AHI1: variants seen among roughly 807,000 people sequenced by gnomAD.
AHI1 encodes the protein jouberin.
A neutral mutation model predicts 149.3 loss-of-function variants in AHI1; 123 were observed. The ratio of observed to expected loss-of-function variants is 0.82; its 90% CI spans 0.71 to 0.96. The LOEUF (loss-of-function observed/expected upper bound fraction) is 0.96. Ranked by LOEUF, AHI1 falls within the 40% of genes least tolerant of loss-of-function variation. The pLI, the probability that AHI1 is intolerant of heterozygous loss-of-function variation, is 0.00. For synonymous variants in AHI1, 475 were observed against 459.8 expected (o/e 1.03, Z -0.42); for missense variants, 1,439 against 1,422.7 (o/e 1.01, Z -0.18).
At chr6:135,396,643 G>A (rs1779253539) in intron 22 of AHI1, among the ~76,000 whole-genome samples, 1 of 151,750 alleles carries the variant, frequency 6.6e-6, no homozygotes, top group Admixed American at 6.6e-5. Context: ...AAATGGAAAA[G>A]AACATATTTA....
intron 23 of AHI1, among the ~76,000 whole-genome samples, chr6:135,364,431 C>A (rs1326486131): frequency 6.6e-6 from 1 of 150,984 alleles, no homozygotes; most frequent in East Asian, 1.9e-4. Context: ...CAGAGGGGCT[C>A]CTCACATCCC....
chr6:135,326,237 T>C (rs1787662784), intron 24 of AHI1, among the ~76,000 whole-genome samples: 1 of 152,114 alleles, frequency 6.6e-6, no homozygotes, highest in Non-Finnish European at 1.5e-5. Context: ...CGGAGGTAAT[T>C]CATGTTAAAT....
chr6:135,359,997 T>C (rs1793606072), intron 23 of AHI1, among the ~76,000 whole-genome samples: 1 of 152,146 alleles, frequency 6.6e-6, no homozygotes, highest in Non-Finnish European at 1.5e-5. Flanking sequence ...GTTATAATCT[T>C]AGTTTTAAAT....
At chr6:135,485,047 A>G (rs1794268323) in intron 5 of AHI1, among the ~76,000 whole-genome samples, 1 of 151,722 alleles carries the variant, frequency 6.6e-6, no homozygotes, top group South Asian at 2.1e-4. Context: ...CCTAACAATA[A>G]TATTTATTAA....
chr6:135,465,915 C>T lies in AHI1; in HGVS notation c.648G>A (p.Leu216=). 1 of 1,600,420 alleles carries T rather than the reference C, an allele frequency of 6.2e-7. No homozygotes were observed. Among genetic ancestry groups the T allele is most frequent in the South Asian group, 1.1e-5 (1 of 87,104 alleles). The change falls in exon 7 of 29, where the codon TTG becomes TTA. Residue 216 remains leucine (L), a synonymous_variant. Transcript: ENST00000265602. ...RKIRKKLKEQ[L]TYFPSDTLFH... ...ATAAAGTATCTGAGGGAAAGTAAGT[C>T]AACTGTTCTTTCAGTTTCTTTCTTA...
intron 18 of AHI1, among the ~76,000 whole-genome samples, chr6:135,429,252 G>A (rs1196561078): frequency 1.3e-5 from 2 of 151,486 alleles, no homozygotes; most frequent in Non-Finnish European, 3.0e-5. Flanking sequence ...ATGGTACATA[G>A]CCTTCCATAT....
At chr6:135,348,942 T>C (rs575843108) in intron 24 of AHI1, among the ~76,000 whole-genome samples, 3 of 152,184 alleles carry the variant, frequency 2.0e-5, no homozygotes, top group Non-Finnish European at 4.4e-5. Flanking sequence ...GATATAAGGA[T>C]GGTATGAGGC....
intron 20 of AHI1, among the ~76,000 whole-genome samples, chr6:135,415,213 T>C (rs948704403): frequency 2.0e-5 from 3 of 152,114 alleles, no homozygotes; most frequent in African/African-American, 4.8e-5. Flanking sequence ...CAGTCTATCA[T>C]TGTTGGACAT....
At chr6:135,466,665 A>G (rs1433087891) in intron 6 of AHI1, among the ~76,000 whole-genome samples, 1 of 125,844 alleles carries the variant, frequency 7.9e-6, no homozygotes, top group East Asian at 2.3e-4. Context: ...CTCAAATGCT[A>G]TTTTCCTCAT....
intron 5 of AHI1, among the ~76,000 whole-genome samples, chr6:135,488,849 G>A (rs1794847293): frequency 6.6e-6 from 1 of 152,208 alleles, no homozygotes; most frequent in African/African-American, 2.4e-5. Flanking sequence ...ATATTGGGTT[G>A]TGGTTAAGGC....
chr6:135,428,591 C>T, intron 19 of AHI1, 38 bp downstream of exon 19: 12 of 1,576,058 alleles, frequency 7.6e-6, no homozygotes, highest in Non-Finnish European at 1.0e-5. Flanking sequence ...AACCCCTGTA[C>T]CTCCCCAAAT....
intron 17 of AHI1, 81 bp from the exon 18 acceptor site, chr6:135,430,081 A>C (rs1203819755): frequency 1.3e-6 from 1 of 740,966 alleles, no homozygotes; most frequent in African/African-American, 1.8e-5. Context: ...TTAATCTTAA[A>C]ATATCATTTC....
At chr6:135,350,074 A>G (rs1194822762) in intron 24 of AHI1, among the ~76,000 whole-genome samples, 1 of 152,232 alleles carries the variant, frequency 6.6e-6, no homozygotes, top group Non-Finnish European at 1.5e-5. Context: ...CATTCTATAT[A>G]GGTTTATCTC....
chr6:135,323,177 G>A lies in AHI1; in HGVS notation c.3313C>T (p.His1105Tyr). Residue 1105 changes from histidine to tyrosine, a missense_variant, in exon 25 of 29, where the codon CAT becomes TAT. Coordinates refer to ENST00000265602, the MANE Select transcript of AHI1 (RefSeq NM_001134831.2). The stretch of plus-strand genomic sequence containing the variant: ...TAAAACTTACTTTCACTAGCCACAT[G>A]ATTAGCTGGAAAATAACCTTCCTGT... ...KGQEGYFPAN[H>Y]VASETLYQEL... The A allele has an allele frequency of 6.2e-7, 1 of 1,610,578 alleles. No individual in the cohort carries two copies.
chr6:135,466,486 T>G, intron 6 of AHI1, 113 bp from the exon 7 acceptor site: 1 of 1,009,388 alleles, frequency 9.9e-7, no homozygotes. Flanking sequence ...GATTATTTAG[T>G]TTTTCATCTG....
At chr6:135,320,462 T>C (rs953138870) in intron 25 of AHI1, among the ~76,000 whole-genome samples, 1 of 152,166 alleles carries the variant, frequency 6.6e-6, no homozygotes, top group African/African-American at 2.4e-5. Flanking sequence ...TTAAAAAAAA[T>C]TTATCTTTTG....
At chr6:135,345,216 T>C (rs1167597371) in intron 24 of AHI1, among the ~76,000 whole-genome samples, 1 of 152,188 alleles carries the variant, frequency 6.6e-6, no homozygotes, top group East Asian at 1.9e-4. Context: ...CTCATTCATG[T>C]CTGGTGTGAT....
chr6:135,482,893 G>GGTTTTTTTTTTTTTTTTT (rs1491384083), intron 5 of AHI1, among the ~76,000 whole-genome samples: 1 of 5,790 alleles, frequency 1.7e-4, no homozygotes, highest in Non-Finnish European at 3.1e-4. Flanking sequence ...TCCATTTAAG[G>GGTTTTTTTTTTTTTTTTT]CTTTTTTTTT....
At chr6:135,344,038 C>G (rs1790776815) in intron 24 of AHI1, among the ~76,000 whole-genome samples, 1 of 151,896 alleles carries the variant, frequency 6.6e-6, no homozygotes, top group Non-Finnish European at 1.5e-5. Context: ...CAGGATTCCC[C>G]TTGGACAACA....
Sources: allele counts gnomAD v4.1 joint callset (sites outside exome capture counted in the v4.1 genomes callset), GRCh38; gene constraint gnomAD v4.1.1; transcripts MANE v1.5; gene names NCBI Gene and HGNC (gene_info 2026-07-23, HGNC 2026-07-21).